TBC1D8: variants seen among roughly 807,000 people sequenced by gnomAD.
TBC1D8 encodes BUB2-like protein 1.
Under a neutral mutation model 118.8 loss-of-function variants are expected in TBC1D8, and 65 were observed. The ratio of observed to expected loss-of-function variants is 0.55; its 90% confidence interval spans 0.45 to 0.67. The LOEUF (loss-of-function observed/expected upper bound fraction) is 0.67, where lower values mean the gene tolerates loss of function less well. Ranked by LOEUF, TBC1D8 falls within the 30% of genes least tolerant of loss-of-function variation. The probability of loss-of-function intolerance (pLI) is 0.00; values close to 1 mark genes in which losing one functional copy is unlikely to be tolerated. For synonymous variants in TBC1D8, 566 were observed against 595.8 expected (o/e 0.95, Z 0.73); for missense variants, 1,376 against 1,471.2 (o/e 0.94, Z 1.06).
chr2:101,054,111 C>T lies in TBC1D8; in HGVS notation c.628G>A (p.Glu210Lys). 6.2e-7 allele frequency: 1 copy of T among 1,610,022 alleles called. No homozygotes were observed. The change falls in exon 4 of 20, where the codon GAA becomes AAA. Residue 210 changes from glutamate to lysine, a missense_variant. Physicochemically the swap from Glu to Lys is moderately conservative, Grantham distance 56 (BLOSUM62 1). Transcript: ENST00000409318. The part of the protein sequence containing the change: ...LCFYSFFLGK[E>K]LKLVVPWVDI... ...GAGCCTGCCAGGCCTCACTTACGTTCCTTGCCCAGGAAGAAGGAGTAGAAG... is the reference window on the plus strand; with the variant it reads ...GAGCCTGCCAGGCCTCACTTACGTTTCTTGCCCAGGAAGAAGGAGTAGAAG...
chr2:101,142,359 G>T (rs1241936093), intron 1 of TBC1D8, among the ~76,000 whole-genome samples: 1 of 152,068 alleles, frequency 6.6e-6, no homozygotes. Flanking sequence ...TATGTGTCGG[G>T]GTGTTTGTTA....
intron 1 of TBC1D8, among the ~76,000 whole-genome samples, chr2:101,103,305 T>G (rs1676975729): frequency 8.9e-6 from 1 of 112,604 alleles, no homozygotes; most frequent in Non-Finnish European, 1.8e-5. Context: ...AAATCCAACA[T>G]CCATTCATGA....
At chr2:101,020,332 A>G (rs899539933) in intron 17 of TBC1D8, among the ~76,000 whole-genome samples, 3 of 151,998 alleles carry the variant, frequency 2.0e-5, no homozygotes, top group African/African-American at 4.8e-5. Flanking sequence ...AAAGATGATG[A>G]TGATGATGAT....
chr2:101,083,160 C>A (rs1023228390), intron 2 of TBC1D8, among the ~76,000 whole-genome samples: 5 of 152,090 alleles, frequency 3.3e-5, no homozygotes, highest in Admixed American at 1.3e-4. Context: ...AGACTCCCCT[C>A]CTTCTCTCCC....
intron 1 of TBC1D8, among the ~76,000 whole-genome samples, chr2:101,147,080 AGGCCG>A (rs1558733870): frequency 2.0e-5 from 3 of 150,656 alleles, no homozygotes; most frequent in Admixed American, 6.6e-5. Context: ...TGAGAGGCCG[AGGCCG>A]AGGCCGAGGC....
chr2:101,150,853 C>T (rs571732049), intron 1 of TBC1D8, among the ~76,000 whole-genome samples: 5 of 152,140 alleles, frequency 3.3e-5, no homozygotes, highest in South Asian at 4.1e-4. Context: ...ATTCCCAAGT[C>T]GAGTCCGGCC....
chr2:101,057,705 C>T (rs1011737422), intron 3 of TBC1D8, among the ~76,000 whole-genome samples: 2 of 152,066 alleles, frequency 1.3e-5, no homozygotes, highest in African/African-American at 2.4e-5. Context: ...GTGCTTGCAG[C>T]CCCAGCTACA....
chr2:101,132,385 C>G (rs1678633085), intron 1 of TBC1D8, among the ~76,000 whole-genome samples: 1 of 152,154 alleles, frequency 6.6e-6, no homozygotes, highest in Non-Finnish European at 1.5e-5. Flanking sequence ...TTCATATCCC[C>G]AAGCTGCCAG....
At chr2:101,095,662 T>C (rs181562381) in intron 1 of TBC1D8, among the ~76,000 whole-genome samples, 99 of 152,214 alleles carry the variant, frequency 6.5e-4, no homozygotes, top group African/African-American at 2.2e-3. Context: ...TTGTTGGACA[T>C]TGGGGTTGTG....
At chr2:101,087,579 G>A (rs1393184414) in intron 2 of TBC1D8, among the ~76,000 whole-genome samples, 1 of 149,762 alleles carries the variant, frequency 6.7e-6, no homozygotes, top group African/African-American at 2.5e-5. Context: ...AGAGGTGGAG[G>A]TTGCAGTGAG....
At chr2:101,015,384 AAC>A (rs986922345) in intron 17 of TBC1D8, among the ~76,000 whole-genome samples, 1 of 152,192 alleles carries the variant, frequency 6.6e-6, no homozygotes, top group African/African-American at 2.4e-5. Context: ...AGACTTTATA[AAC>A]ACTTAACTGT....
rs554793272 is a variant in TBC1D8, at chr2:101,058,719, C to T, written c.402+702G>A. Among the ~76,000 whole-genome samples the T allele has an allele frequency of 2.0e-5, 3 of 150,766 alleles. No homozygotes were observed. The East Asian group carries it at 5.8e-4, about 29-fold the overall frequency. On this transcript the variant is annotated intron_variant, in intron 3 of 19. Transcript: ENST00000409318. ...TTCTAGCAGGAGGAAAGTGGTAGAT[C>T]CAACAGAACAGTGTGACAAGATGTC... is the stretch of plus-strand genomic sequence containing the variant.
chr2:101,072,349 G>A (rs551877132), intron 2 of TBC1D8, among the ~76,000 whole-genome samples: 7 of 152,188 alleles, frequency 4.6e-5, no homozygotes, highest in Admixed American at 4.6e-4. Flanking sequence ...GTGTCAAAAG[G>A]AGAGGGGCAG....
At chr2:101,089,536 T>A (rs549349683) in intron 2 of TBC1D8, among the ~76,000 whole-genome samples, 1 of 152,254 alleles carries the variant, frequency 6.6e-6, no homozygotes, top group Admixed American at 6.5e-5. Flanking sequence ...AGGTAATGCC[T>A]GTGATAGGAA....
intron 15 of TBC1D8, among the ~76,000 whole-genome samples, chr2:101,024,402 A>ATTTTT (rs34272976): frequency 8.3e-6 from 1 of 121,130 alleles, no homozygotes; most frequent in African/African-American, 3.1e-5. Context: ...TGGGACTGTA[A>ATTTTT]TTTTTTTTTT....
chr2:101,140,300 C>T (rs1050729864), intron 1 of TBC1D8, among the ~76,000 whole-genome samples: 1 of 152,084 alleles, frequency 6.6e-6, no homozygotes, highest in African/African-American at 2.4e-5. Context: ...AATAAAAGTA[C>T]CTGACTAAAT....
rs191348956 is a variant in TBC1D8 at position 101,138,810 on chromosome 2, C to G, written c.127+12317G>C. Among the ~76,000 whole-genome samples the G allele has an allele frequency of 6.2e-3, 945 of 152,242 alleles. 5 individuals are homozygous for G. Among genetic ancestry groups the G allele is most frequent in the Non-Finnish European group, 0.01 (706 of 68,012 alleles). On this transcript the variant is annotated intron_variant, in intron 1 of 19. Transcript: ENST00000409318. ...GGGATTCTTAAGGTGGCTTCACCAC[C>G]ACCACCTGAGCATGACTGATCATTA...
chr2:101,141,712 C>CA (rs1193465975), intron 1 of TBC1D8, among the ~76,000 whole-genome samples: 5 of 150,018 alleles, frequency 3.3e-5, no homozygotes, highest in Non-Finnish European at 7.4e-5. Context: ...AATGTGAGTT[C>CA]AAAAAACCTA....
At chr2:101,122,161 T>C (rs1281114638) in intron 1 of TBC1D8, among the ~76,000 whole-genome samples, 1 of 149,230 alleles carries the variant, frequency 6.7e-6, no homozygotes, top group Admixed American at 6.7e-5. Flanking sequence ...AACCTCTGCC[T>C]CCTGGGTTCA....
Sources: gnomAD v4.1 joint callset for allele counts (sites outside exome capture counted in the v4.1 genomes callset) on GRCh38, gnomAD v4.1.1 for gene constraint, MANE v1.5 for transcripts, NCBI Gene and HGNC (gene_info 2026-07-23, HGNC 2026-07-21) for gene names.